Variants in ABCB4 observed in about 807,000 individuals in gnomAD.
The protein encoded by ABCB4 is ATP binding cassette subfamily B member 4.
ABCB4 carries 76 observed loss-of-function variants against 145.7 expected under a neutral mutation model. The observed-to-expected ratio is 0.52, with a 90% CI of 0.43 to 0.63. The LOEUF (loss-of-function observed/expected upper bound fraction) is 0.63. Ranked by LOEUF, ABCB4 falls within the 30% of genes least tolerant of loss-of-function variation. The pLI is 0.00. For synonymous variants in ABCB4, 517 were observed against 566.8 expected (o/e 0.91, Z 1.25); for missense variants, 1,234 against 1,553.1 (o/e 0.79, Z 3.45).
intron 15 of ABCB4, among the ~76,000 whole-genome samples, chr7:87,430,690 A>G (rs2116601004): frequency 6.6e-6 from 1 of 152,034 alleles, no homozygotes; most frequent in Admixed American, 6.6e-5. Flanking sequence ...ATGCCCAGCT[A>G]ATTTTTTGTA....
intron 6 of ABCB4, 105 bp from the exon 7 acceptor site, chr7:87,451,899 G>C (rs1307010401): frequency 9.4e-7 from 1 of 1,059,652 alleles, no homozygotes; most frequent in East Asian, 2.4e-5. Flanking sequence ...TTCACTGACT[G>C]CAAGCCTCTT....
intron 12 of ABCB4, among the ~76,000 whole-genome samples, chr7:87,442,236 A>G (rs917249647): frequency 1.3e-5 from 2 of 152,098 alleles, no homozygotes; most frequent in Non-Finnish European, 2.9e-5. Flanking sequence ...GAATGGGCCT[A>G]TGTTCCCCCA....
the ABCB4 span, among the ~76,000 whole-genome samples, chr7:87,379,508 C>CTG: frequency 6.6e-6 from 1 of 152,178 alleles, no homozygotes; most frequent in Non-Finnish European, 1.5e-5. Flanking sequence ...TTTTGCTAAA[C>CTG]TGATTTTTAC....
intron 25 of ABCB4, among the ~76,000 whole-genome samples, chr7:87,407,499 G>C (rs549905300): frequency 1.3e-5 from 2 of 152,314 alleles, no homozygotes; most frequent in East Asian, 3.9e-4. Context: ...GCAGATACAA[G>C]CATTATCAGT....
chr7:87,369,627 T>A, the ABCB4 span: 1 of 365,610 alleles, frequency 2.7e-6, no homozygotes, highest in Non-Finnish European at 4.9e-6. Context: ...AAAATCTATT[T>A]GTATTTTTTA....
intron 4 of ABCB4, 116 bp downstream of exon 4, chr7:87,462,642 C>T: frequency 3.1e-6 from 3 of 967,164 alleles, no homozygotes; most frequent in Non-Finnish European, 4.9e-6. Context: ...TATCTGGAGT[C>T]AACCAGATAT....
chr7:87,447,506 T>A (rs1482760453), intron 8 of ABCB4, among the ~76,000 whole-genome samples: 1 of 152,174 alleles, frequency 6.6e-6, no homozygotes, highest in East Asian at 1.9e-4. Flanking sequence ...AGCTTCTCCA[T>A]CACCTTCACG....
the ABCB4 span, chr7:87,382,365 T>C: frequency 6.3e-7 from 1 of 1,590,938 alleles, no homozygotes; most frequent in Non-Finnish European, 8.6e-7. Context: ...CTTTGGTGTA[T>C]TCTCCTTAGG....
rs1182260649 is a variant in ABCB4, at chr7:87,436,936, T to C, written c.1731+2731A>G. On this transcript the variant is annotated intron_variant, in intron 14 of 27. Transcript: ENST00000649586. Reference sequence around the variant, plus strand: ...GATGAGCTGAAAATGAAGACCCTCATCTGTATTAGACCACATGCAGATCTT... The same window carrying C: ...GATGAGCTGAAAATGAAGACCCTCACCTGTATTAGACCACATGCAGATCTT... 2.6e-5 allele frequency among the ~76,000 whole-genome samples: 4 copies of C among 152,194 alleles called. No individual in the cohort carries two copies. In the East Asian group the frequency reaches 7.7e-4, roughly 29 times the overall value.
At chr7:87,460,918 G>A (rs1812415891) in intron 4 of ABCB4, among the ~76,000 whole-genome samples, 1 of 151,398 alleles carries the variant, frequency 6.6e-6, no homozygotes. Context: ...GATTTTCTAG[G>A]AAAACAAATA....
intron 21 of ABCB4, among the ~76,000 whole-genome samples, chr7:87,415,188 A>T (rs866940785): frequency 5.9e-4 from 90 of 152,264 alleles, no homozygotes; most frequent in African/African-American, 1.9e-3. Context: ...CTGGGTCAAG[A>T]TGGTTATGAG....
In ABCB4 at chr7:87,401,883, G is replaced by A. The variant is rs775289363; in HGVS notation, c.*213C>T. ...GTTTCTAATAACTTAGGGAGAGCTAGCCTGTTGTTTCAATACTTCATCAAG... is the reference window on the plus strand; with the variant it reads ...GTTTCTAATAACTTAGGGAGAGCTAACCTGTTGTTTCAATACTTCATCAAG... On this transcript the variant is annotated 3_prime_UTR_variant, in exon 28 of 28. Coordinates refer to ENST00000649586, the MANE Select transcript of ABCB4 (RefSeq NM_000443.4). 2.8e-6 allele frequency: 2 copies of A among 713,210 alleles called. No homozygotes were observed. The highest frequency in any genetic ancestry group is 3.0e-5 in the South Asian group (2 of 67,090). The allele number at this position is 713,210 out of a possible 1,614,324, so 44.2% of individuals were successfully genotyped here.
the ABCB4 span, among the ~76,000 whole-genome samples, chr7:87,391,897 A>G: frequency 6.6e-6 from 1 of 152,184 alleles, no homozygotes; most frequent in Non-Finnish European, 1.5e-5. Flanking sequence ...GGAAACAGGG[A>G]AGGCAGGAAA....
At chr7:87,452,112 A>G (rs1478573953) in intron 6 of ABCB4, among the ~76,000 whole-genome samples, 1 of 152,240 alleles carries the variant, frequency 6.6e-6, no homozygotes, top group Non-Finnish European at 1.5e-5. Flanking sequence ...ACATTGCAAC[A>G]ATAATAAGCA....
At chr7:87,433,832 G>C (rs762839256) in intron 14 of ABCB4, among the ~76,000 whole-genome samples, 9 of 152,076 alleles carry the variant, frequency 5.9e-5, no homozygotes, top group Admixed American at 2.0e-4. Context: ...TAAACAAAGG[G>C]AGGACTAATC....
chr7:87,443,312 C>T lies in ABCB4; in HGVS notation c.1356+7G>A. On this transcript the variant is annotated splice_region_variant and intron_variant, in intron 12 of 27. Coordinates refer to ENST00000649586, the MANE Select transcript of ABCB4 (RefSeq NM_000443.4). ...CCACTCTGGAAAGCTTGGTTCTTCC[C>T]ACTTACTGTGCCCTCATCAGGGTCA... 4 of 1,613,934 alleles carry T rather than the reference C, an allele frequency of 2.5e-6. No individual in the cohort carries two copies. Among genetic ancestry groups the T allele is most frequent in the Non-Finnish European group, 3.4e-6 (4 of 1,179,938 alleles).
At chr7:87,424,366 G>A (rs914300663) in intron 16 of ABCB4, among the ~76,000 whole-genome samples, 12 of 152,130 alleles carry the variant, frequency 7.9e-5, no homozygotes, top group African/African-American at 2.7e-4. Flanking sequence ...TCCAGCTCTG[G>A]AGTTACACAA....
intron 3 of ABCB4, 106 bp from the exon 4 acceptor site, chr7:87,463,014 G>T: frequency 2.0e-6 from 2 of 1,009,796 alleles, no homozygotes; most frequent in Non-Finnish European, 2.9e-6. Context: ...TTTTTTAAGA[G>T]TTGTAAATGA....
rs190524707 is a variant in ABCB4 at position 87,449,663 on chromosome 7, C to T, written c.833+305G>A. ...ACATTGCCCAGGCTGGTCTTGAGCT[C>T]CTGGATTCCAGCTACCCTCCTGCCT... is the stretch of plus-strand genomic sequence containing the variant. On this transcript the variant is annotated intron_variant, in intron 8 of 27. Transcript: ENST00000649586. 3.3e-5 allele frequency among the ~76,000 whole-genome samples: 5 copies of T among 151,894 alleles called. No homozygotes were observed. In the East Asian group the frequency reaches 9.7e-4, roughly 29 times the overall value.
Sources: gnomAD v4.1 joint callset for allele counts (sites outside exome capture counted in the v4.1 genomes callset) on GRCh38, gnomAD v4.1.1 for gene constraint, MANE v1.5 for transcripts, NCBI Gene and HGNC (gene_info 2026-07-23, HGNC 2026-07-21) for gene names.